NINJ1: variants seen among roughly 807,000 people sequenced by gnomAD.
NINJ1 encodes the protein ninjurin-1.
Under a neutral mutation model 12.7 loss-of-function variants are expected in NINJ1, and 6 were observed. That is an observed-to-expected ratio of 0.47 (90% CI 0.26 to 0.93). The LOEUF is 0.93. NINJ1 is among the 40% of genes least tolerant of loss of function. NINJ1 has a pLI of 0.15. For missense variants in NINJ1, 170 were observed against 213.0 expected, an observed-to-expected ratio of 0.80 and a Z score of 1.26; for synonymous variants, 100 against 96.0, an observed-to-expected ratio of 1.04 and a Z score of -0.25.
intron 3 of NINJ1, among the ~76,000 whole-genome samples, chr9:93,124,613 T>C (rs1004352522): frequency 4.0e-5 from 6 of 151,502 alleles, no homozygotes; most frequent in Non-Finnish European, 1.5e-5. Flanking sequence ...ACATTCTGAA[T>C]GTATAGAAAT....
At chr9:93,126,987 C>G (rs1057005898) in intron 1 of NINJ1, among the ~76,000 whole-genome samples, 14 of 152,132 alleles carry the variant, frequency 9.2e-5, no homozygotes, top group African/African-American at 3.4e-4. Context: ...TGCCCCCGGC[C>G]TCCTCTCCCC....
At chr9:93,134,002 G>A (rs1827937442) in intron 1 of NINJ1, 141 bp downstream of exon 1, 1 of 518,010 alleles carries the variant, frequency 1.9e-6, no homozygotes, top group African/African-American at 2.0e-5. Context: ...CCCTGATGGG[G>A]CGGGAAGGAC....
intron 1 of NINJ1, 81 bp downstream of exon 1, chr9:93,134,062 C>T: frequency 8.6e-7 from 1 of 1,156,278 alleles, no homozygotes; most frequent in Non-Finnish European, 1.2e-6. Context: ...GGACGCGGCG[C>T]ACACAGGTGC....
At position 93,127,700 on chromosome 9, in the gene NINJ1, G is replaced by C. The variant is rs558235478; in HGVS notation, c.76-1062C>G. Among the ~76,000 whole-genome samples the C allele has an allele frequency of 4.6e-5, 7 of 152,238 alleles. No individual in the cohort carries two copies. In the East Asian group the frequency reaches 1.4e-3, roughly 29 times the overall value. ...TTGGCCCGGCCCTTTGTCCACAGGC[G>C]CCCCTGAGTTGCCAGGCCCTAGACC... is the stretch of plus-strand genomic sequence containing the variant. On this transcript the variant is annotated intron_variant, in intron 1 of 3. Coordinates refer to ENST00000375446, the MANE Select transcript of NINJ1 (RefSeq NM_004148.4).
intron 1 of NINJ1, 140 bp from the exon 2 acceptor site, chr9:93,126,778 G>A: frequency 1.6e-6 from 1 of 640,676 alleles, no homozygotes; most frequent in East Asian, 2.7e-5. Flanking sequence ...AGACAGAAGT[G>A]CTTATTACCC....
At chr9:93,133,761 C>T (rs994602144) in intron 1 of NINJ1, among the ~76,000 whole-genome samples, 1 of 152,204 alleles carries the variant, frequency 6.6e-6, no homozygotes, top group Non-Finnish European at 1.5e-5. Context: ...GAGGAGCCGG[C>T]ACGGCGAGGC....
At chr9:93,132,185 C>T (rs1827903974) in intron 1 of NINJ1, among the ~76,000 whole-genome samples, 1 of 152,238 alleles carries the variant, frequency 6.6e-6, no homozygotes, top group East Asian at 1.9e-4. Context: ...GAAGCAAGGT[C>T]TTGAGGTTGG....
chr9:93,132,763 G>C (rs1183197434), intron 1 of NINJ1, among the ~76,000 whole-genome samples: 1 of 152,244 alleles, frequency 6.6e-6, no homozygotes, highest in Non-Finnish European at 1.5e-5. Context: ...CTCTGGGCTT[G>C]AGATGCACCC....
At chr9:93,133,174 G>A (rs1247858967) in intron 1 of NINJ1, among the ~76,000 whole-genome samples, 3 of 152,116 alleles carry the variant, frequency 2.0e-5, no homozygotes, top group Non-Finnish European at 4.4e-5. Flanking sequence ...TGCAGCCCCA[G>A]GGCCATCCTA....
intron 1 of NINJ1, among the ~76,000 whole-genome samples, chr9:93,133,745 T>C (rs962974157): frequency 1.3e-5 from 2 of 151,904 alleles, no homozygotes; most frequent in Non-Finnish European, 2.9e-5. Context: ...CCGGGCAAAG[T>C]GCGCGGAGGA....
At position 93,126,542 on chromosome 9, in the gene NINJ1, TCAG is replaced by T. The variant is rs1228897958; in HGVS notation, c.169_171del (p.Leu57del). Reference sequence around the variant, plus strand: ...GCCTTCAGCTGGGACGCGTTGGCCATCAGCAGCGCGATGTCCAGCATGCTCTCG... The same window carrying T: ...GCCTTCAGCTGGGACGCGTTGGCCATCAGCGCGATGTCCAGCATGCTCTCG... On this transcript the variant is annotated inframe_deletion, in exon 2 of 4. Coordinates refer to ENST00000375446, the MANE Select transcript of NINJ1 (RefSeq NM_004148.4). 2 of 1,614,112 alleles carry T rather than the reference TCAG, an allele frequency of 1.2e-6. No individual in the cohort carries two copies. The highest frequency in any genetic ancestry group is 2.2e-5 in the South Asian group (2 of 91,080).
In NINJ1 at chr9:93,121,534, A is replaced by C. The variant is rs1273298407; in HGVS notation, c.*706T>G. On this transcript the variant is annotated 3_prime_UTR_variant, in exon 4 of 4. Coordinates refer to ENST00000375446, the MANE Select transcript of NINJ1 (RefSeq NM_004148.4). ...AGAGCGTGGGCTTTATTGTTCATTC[A>C]TGATTAGAAAAGTGGGTGCTGGGAC... The C allele has an allele frequency of 1.3e-5, 2 of 152,452 alleles. No homozygotes were observed. Among genetic ancestry groups the C allele is most frequent in the South Asian group, 2.1e-4 (1 of 4,842 alleles). 9.4% of individuals were successfully genotyped at this position (152,452 alleles called of 1,614,324 possible).
chr9:93,130,310 G>A (rs578104246), intron 1 of NINJ1, among the ~76,000 whole-genome samples: 287 of 152,292 alleles, frequency 1.9e-3, no homozygotes, highest in African/African-American at 6.3e-3. Context: ...CGGTCCTAGG[G>A]CCACTTCAGT....
intron 1 of NINJ1, among the ~76,000 whole-genome samples, chr9:93,130,928 C>T (rs1037671125): frequency 4.6e-5 from 7 of 152,234 alleles, no homozygotes; most frequent in African/African-American, 1.4e-4. Context: ...TGGCTGCTCG[C>T]AGCCTGTCCT....
intron 3 of NINJ1, among the ~76,000 whole-genome samples, chr9:93,122,926 G>A (rs183140955): frequency 1.3e-5 from 2 of 152,354 alleles, no homozygotes; most frequent in East Asian, 3.9e-4. Context: ...AAATGGCCTG[G>A]CCACATGCCC....
intron 3 of NINJ1, among the ~76,000 whole-genome samples, chr9:93,123,113 G>T (rs1459486205): frequency 6.6e-6 from 1 of 152,220 alleles, no homozygotes; most frequent in African/African-American, 2.4e-5. Context: ...TGATCCCACT[G>T]GGGGAATGGC....
At chr9:93,125,256 C>T (rs1827795448) in intron 2 of NINJ1, 194 bp from the exon 3 acceptor site, 1 of 537,140 alleles carries the variant, frequency 1.9e-6, no homozygotes, top group Non-Finnish European at 3.2e-6. Context: ...CAACAGCGCC[C>T]CTGGCTTGGG....
intron 1 of NINJ1, among the ~76,000 whole-genome samples, chr9:93,128,279 G>A (rs1265255494): frequency 1.3e-5 from 2 of 152,220 alleles, no homozygotes; most frequent in Non-Finnish European, 2.9e-5. Context: ...CCCTGGGCCT[G>A]ACGCTGCACT....
chr9:93,127,609 G>C (rs992740320), intron 1 of NINJ1, among the ~76,000 whole-genome samples: 2 of 152,246 alleles, frequency 1.3e-5, no homozygotes, highest in African/African-American at 4.8e-5. Flanking sequence ...TGGAGCAAGA[G>C]TCTGCCCCTC....
Sources: allele counts gnomAD v4.1 joint callset (sites outside exome capture counted in the v4.1 genomes callset), GRCh38; gene constraint gnomAD v4.1.1; transcripts MANE v1.5; gene names NCBI Gene and HGNC (gene_info 2026-07-23, HGNC 2026-07-21).